The following NPHP1 variants were observed in gnomAD, a reference collection of about 807,000 sequenced individuals.
The protein encoded by NPHP1 is nephrocystin 1.
Under a neutral mutation model 90.4 loss-of-function variants are expected in NPHP1, and 70 were observed. The ratio of observed to expected loss-of-function variants is 0.77; its 90% confidence interval spans 0.64 to 0.95. The LOEUF is 0.95. Ranked by LOEUF, NPHP1 falls within the 40% of genes least tolerant of loss-of-function variation. The probability of loss-of-function intolerance (pLI) is 0.00; values close to 1 mark genes in which losing one functional copy is unlikely to be tolerated. For synonymous variants in NPHP1, 256 were observed against 271.7 expected (o/e 0.94, Z 0.57); for missense variants, 764 against 795.9 (o/e 0.96, Z 0.48).
Position 110,123,495 on chromosome 2 carries a change from TGACAAAATCTTGCTTTTATA to T in NPHP1, c.*276_*295del, listed in dbSNP as rs1477422044. 8.0e-6 allele frequency: 2 copies of T among 251,360 alleles called. No homozygotes were observed. Among genetic ancestry groups the T allele is most frequent in the African/African-American group, 4.5e-5 (2 of 44,400 alleles). The allele number at this position is 251,360 out of a possible 1,614,324, so 15.6% of individuals were successfully genotyped here. A position where few individuals can be genotyped will look rare whatever the true frequency, so the allele number is the denominator to read the frequency against. ...CTTGAATAATCATAAATTTAGTTTT[TGACAAAATCTTGCTTTTATA>T]GAAATCTATACCATTAACTTAAGTA... On this transcript the variant is annotated 3_prime_UTR_variant, in exon 20 of 20. Transcript: ENST00000445609.
intron 18 of NPHP1, chr2:110,126,433 T>A (rs1032958023): frequency 6.6e-5 from 10 of 152,232 alleles, no homozygotes; most frequent in Admixed American, 1.3e-4. Context: ...ATAAAGAGAT[T>A]CTCCATAAAA....
chr2:110,158,478 T>C (rs2104536537), intron 11 of NPHP1, among the ~76,000 whole-genome samples: 1 of 152,182 alleles, frequency 6.6e-6, no homozygotes, highest in Middle Eastern at 3.4e-3. Flanking sequence ...TTTTTATTTC[T>C]TGTGTGTTAA....
rs1264938797 is a variant in NPHP1, at chr2:110,123,871, G to A, written c.1954C>T (p.Pro652Ser). The A allele has an allele frequency of 3.1e-6, 5 of 1,614,108 alleles. No individual in the cohort carries two copies. Among genetic ancestry groups the A allele is most frequent in the East Asian group, 2.2e-5 (1 of 44,886 alleles). Residue 652 changes from proline to serine, a missense_variant, in exon 20 of 20, where the codon CCA (proline) becomes TCA (serine). Transcript: ENST00000445609. ...TCAAAAGGTTCATGAACTCCGTCTG[G>A]TGACAGCAGAGCTTGGAGGGCGCCC... is the stretch of plus-strand genomic sequence containing the variant. ...NQGALQALLS[P>S]DGVHEPFDLS...
intron 16 of NPHP1, among the ~76,000 whole-genome samples, chr2:110,139,053 C>T (rs1431061978): frequency 6.6e-6 from 1 of 152,002 alleles, no homozygotes; most frequent in African/African-American, 2.4e-5. Context: ...TGTAGACCAG[C>T]AAACTCTGGC....
chr2:110,162,975 T>C, intron 9 of NPHP1, 73 bp downstream of exon 9: 1 of 973,360 alleles, frequency 1.0e-6, no homozygotes. Context: ...GTGTTTTGCC[T>C]GTGACAGAAA....
intron 4 of NPHP1, among the ~76,000 whole-genome samples, chr2:110,172,695 G>A (rs1305280818): frequency 6.6e-6 from 1 of 151,970 alleles, no homozygotes; most frequent in African/African-American, 2.4e-5. Flanking sequence ...AGGTGGAGAG[G>A]ATCACTAGAG....
intron 2 of NPHP1, among the ~76,000 whole-genome samples, chr2:110,198,129 G>C (rs1351032125): frequency 6.6e-6 from 1 of 152,024 alleles, no homozygotes; most frequent in Non-Finnish European, 1.5e-5. Flanking sequence ...ACAAATTTCT[G>C]CTCCATGGAA....
chr2:110,154,819 C>A (rs769160488), intron 11 of NPHP1, among the ~76,000 whole-genome samples: 4 of 152,036 alleles, frequency 2.6e-5, no homozygotes, highest in Non-Finnish European at 5.9e-5. Flanking sequence ...GGAAGTGGAG[C>A]ATAAAGGTTT....
At chr2:110,170,775 TAGGTC>T (rs1354039868) in intron 4 of NPHP1, among the ~76,000 whole-genome samples, 12 of 151,980 alleles carry the variant, frequency 7.9e-5, no homozygotes, top group Admixed American at 2.6e-4. Context: ...AGGCTATAAT[TAGGTC>T]TTGAGAGATG....
intron 4 of NPHP1, among the ~76,000 whole-genome samples, chr2:110,173,380 T>C (rs1315959860): frequency 6.6e-6 from 1 of 152,182 alleles, no homozygotes; most frequent in Non-Finnish European, 1.5e-5. Flanking sequence ...TGGTTCATTT[T>C]GGTTAATGTT....
In NPHP1 at chr2:110,186,603, A is replaced by G. The variant is rs141943785; in HGVS notation, c.144-6919T>C. Among the ~76,000 whole-genome samples the G allele has an allele frequency of 5.2e-3, 797 of 152,204 alleles. 9 individuals carry two copies. The highest frequency in any genetic ancestry group is 0.013 in the South Asian group (63 of 4,812). On this transcript the variant is annotated intron_variant, in intron 2 of 19. Transcript: ENST00000445609. ...ACCTGTGACACCATGACCCACCCCA[A>G]TCCCAGACTCCATGCAGTAGTCTCC...
intron 13 of NPHP1, 112 bp downstream of exon 13, chr2:110,147,804 T>C (rs2104496238): frequency 1.4e-6 from 1 of 706,892 alleles, no homozygotes; most frequent in East Asian, 2.6e-5. Flanking sequence ...CCTCAAGGGA[T>C]TAAAATTCAA....
Position 110,201,519 on chromosome 2 carries a change from CATT to C in NPHP1, c.70-28_70-26del, listed in dbSNP as rs773395717. Reference sequence around the variant, plus strand: ...CCTATGGAGACCATTTAAAATATCACATTATTAAATACCATATCGCCTTAGGAA... The same window carrying C: ...CCTATGGAGACCATTTAAAATATCACATTAAATACCATATCGCCTTAGGAA... On this transcript the variant is annotated intron_variant, in intron 1 of 19. Coordinates refer to ENST00000445609, the MANE Select transcript of NPHP1 (RefSeq NM_001128178.3). 1.2e-5 allele frequency: 18 copies of C among 1,503,866 alleles called. No individual in the cohort carries two copies. In the South Asian group the frequency reaches 2.0e-4, roughly 17 times the overall value. 93.2% of individuals were successfully genotyped at this position (1,503,866 alleles called of 1,614,324 possible).
At chr2:110,126,994 A>G (rs1679414773) in intron 18 of NPHP1, 1 of 152,600 alleles carries the variant, frequency 6.6e-6, no homozygotes, top group African/African-American at 2.4e-5. Flanking sequence ...AAAGGTCACT[A>G]TTACCTCACC....
chr2:110,126,318 T>C (rs897293037), intron 18 of NPHP1: 4 of 154,560 alleles, frequency 2.6e-5, no homozygotes, highest in Non-Finnish European at 5.7e-5. Flanking sequence ...GTTCTGTGCA[T>C]GTCAGTAGAT....
At chr2:110,158,164 T>C (rs1682045412) in intron 11 of NPHP1, among the ~76,000 whole-genome samples, 1 of 152,150 alleles carries the variant, frequency 6.6e-6, no homozygotes, top group Admixed American at 6.5e-5. Context: ...TCAAGGACCA[T>C]ATATTATATG....
rs144855246 is a variant in NPHP1, at chr2:110,130,125, C to T, written c.1643-866G>A. 4.6e-5 allele frequency among the ~76,000 whole-genome samples: 7 copies of T among 152,236 alleles called. No individual in the cohort carries two copies. The East Asian group carries it at 1.4e-3, about 29-fold the overall frequency. On this transcript the variant is annotated intron_variant, in intron 17 of 19. Transcript: ENST00000445609. The stretch of plus-strand genomic sequence containing the variant: ...GCCCTTCTGTAAGGGTCTCTAATCC[C>T]ATTCATAAGGCAACAGCCCTCATGG...
chr2:110,143,785 G>T, intron 15 of NPHP1, 144 bp from the exon 16 acceptor site: 2 of 662,534 alleles, frequency 3.0e-6, no homozygotes, highest in East Asian at 5.5e-5. Flanking sequence ...CCCTAAATGA[G>T]CTGAGAGACC....
intron 19 of NPHP1, chr2:110,125,247 C>G: frequency 6.5e-7 from 1 of 1,536,030 alleles, no homozygotes; most frequent in Non-Finnish European, 8.7e-7. Context: ...TAAGCAGGAG[C>G]AATGCATTGT....
Sources: gnomAD v4.1 joint callset for allele counts (sites outside exome capture counted in the v4.1 genomes callset) on GRCh38, gnomAD v4.1.1 for gene constraint, MANE v1.5 for transcripts, NCBI Gene and HGNC (gene_info 2026-07-23, HGNC 2026-07-21) for gene names.